Variants in IMMP2L observed in about 807,000 individuals in gnomAD.
IMMP2L encodes inner mitochondrial membrane peptidase subunit 2.
IMMP2L carries 18 observed loss-of-function variants against 19.3 expected under a neutral mutation model. That is an observed-to-expected ratio of 0.93 (90% CI 0.64 to 1.38). The LOEUF (loss-of-function observed/expected upper bound fraction) is 1.38, where lower values mean the gene tolerates loss of function less well. Among genes scored for constraint, IMMP2L ranks in the 40% most tolerant of loss-of-function variants. IMMP2L has a pLI of 0.00. For synonymous variants in IMMP2L, 76 were observed against 73.0 expected, an observed-to-expected ratio of 1.04 and a Z score of -0.21; for missense variants, 233 against 218.2, an observed-to-expected ratio of 1.07 and a Z score of -0.43.
chr7:111,304,120 A>G (rs139305618), intron 3 of IMMP2L, among the ~76,000 whole-genome samples: 1 of 152,260 alleles, frequency 6.6e-6, no homozygotes, highest in Admixed American at 6.5e-5. Flanking sequence ...GGCCTTTGGG[A>G]AACACTGCTT....
rs1175260135 is a variant in IMMP2L, at chr7:110,757,547, C to A, written c.409-93826G>T. 6.6e-6 allele frequency among the ~76,000 whole-genome samples: 1 copy of A among 152,032 alleles called. No individual in the cohort carries two copies. The highest frequency in any genetic ancestry group is 6.6e-5 in the Admixed American group (1 of 15,228). On this transcript the variant is annotated intron_variant, in intron 5 of 5. Transcript: ENST00000405709. The surrounding 1 kb of genome is among the most constrained non-coding windows in gnomAD (Gnocchi z 4.2). ...TTGCCCTCTGGCTTCCGATTTGGTA[C>A]ACATAATGAGGATCCCCAGTTGAAG...
intron 3 of IMMP2L, among the ~76,000 whole-genome samples, chr7:111,364,900 G>A (rs747978197): frequency 3.3e-5 from 5 of 151,374 alleles, no homozygotes; most frequent in Non-Finnish European, 7.4e-5. Flanking sequence ...AACCCAGGAG[G>A]TGGAGGTTGC....
At chr7:110,881,477 T>C (rs113803743) in intron 5 of IMMP2L, among the ~76,000 whole-genome samples, 2,266 of 152,320 alleles carry the variant, frequency 0.015, 50 homozygotes, top group African/African-American at 0.052. Flanking sequence ...CAGATTATTT[T>C]AGTTCCTATC....
At chr7:111,291,981 G>A (rs1263910953) in intron 3 of IMMP2L, among the ~76,000 whole-genome samples, 2 of 152,148 alleles carry the variant, frequency 1.3e-5, no homozygotes, top group Non-Finnish European at 2.9e-5. Flanking sequence ...AATCACTACT[G>A]TGGTGATTTA....
chr7:110,674,006 A>T (rs1341035196), intron 5 of IMMP2L, among the ~76,000 whole-genome samples: 1 of 152,178 alleles, frequency 6.6e-6, no homozygotes, highest in Admixed American at 6.5e-5. Context: ...CCCCACTCCC[A>T]GTACCAACTT....
At chr7:111,382,129 A>G (rs1831258046) in intron 3 of IMMP2L, among the ~76,000 whole-genome samples, 1 of 151,894 alleles carries the variant, frequency 6.6e-6, no homozygotes, top group Admixed American at 6.6e-5. Flanking sequence ...TGATAAGGTC[A>G]AGGGTCCAAG....
At chr7:111,110,278 C>A (rs1586332412) in intron 3 of IMMP2L, among the ~76,000 whole-genome samples, 2 of 152,152 alleles carry the variant, frequency 1.3e-5, no homozygotes, top group East Asian at 1.9e-4. Flanking sequence ...TGTTTCTCCA[C>A]ACAATTGATA....
intron 3 of IMMP2L, among the ~76,000 whole-genome samples, chr7:111,267,643 A>G (rs1817971993): frequency 6.6e-6 from 1 of 152,158 alleles, no homozygotes; most frequent in African/African-American, 2.4e-5. Context: ...ACCTTGAATT[A>G]TCTTTTGACC....
chr7:111,488,667 T>C (rs966259659), intron 2 of IMMP2L, among the ~76,000 whole-genome samples: 2 of 152,162 alleles, frequency 1.3e-5, no homozygotes, highest in Admixed American at 1.3e-4. Flanking sequence ...TTTCATATAA[T>C]GAGTTATTTT....
At chr7:111,461,712 G>C (rs1253764244) in intron 3 of IMMP2L, among the ~76,000 whole-genome samples, 1 of 152,034 alleles carries the variant, frequency 6.6e-6, no homozygotes, top group African/African-American at 2.4e-5. Flanking sequence ...ATGCAAACTT[G>C]ATTCCATGTA....
chr7:111,281,321 CAGAA>C (rs1487154438), intron 3 of IMMP2L, among the ~76,000 whole-genome samples: 8 of 151,016 alleles, frequency 5.3e-5, no homozygotes, highest in African/African-American at 1.5e-4. Flanking sequence ...GAAAGAAAGA[CAGAA>C]AGAAAGGACT....
chr7:111,202,936 T>G (rs2129615975), intron 3 of IMMP2L, among the ~76,000 whole-genome samples: 1 of 152,280 alleles, frequency 6.6e-6, no homozygotes, highest in East Asian at 1.9e-4. Flanking sequence ...CCAAGTTTAA[T>G]ATAGATGGCT....
chr7:111,130,116 C>A (rs1421485320), intron 3 of IMMP2L, among the ~76,000 whole-genome samples: 1 of 152,076 alleles, frequency 6.6e-6, no homozygotes, highest in East Asian at 1.9e-4. Context: ...TATTCTAGTT[C>A]ACTGTATATA....
At chr7:111,156,319 C>G (rs1026735929) in intron 3 of IMMP2L, among the ~76,000 whole-genome samples, 1 of 152,058 alleles carries the variant, frequency 6.6e-6, no homozygotes, top group African/African-American at 2.4e-5. Context: ...GCCATCAGCA[C>G]CTTAAAAGTT....
At chr7:111,095,308 T>C (rs889386072) in intron 3 of IMMP2L, among the ~76,000 whole-genome samples, 10 of 152,008 alleles carry the variant, frequency 6.6e-5, no homozygotes, top group African/African-American at 1.9e-4. Flanking sequence ...CAGCTATTTA[T>C]TGGAGAGGCC....
chr7:111,243,634 T>C (rs2129630841), intron 3 of IMMP2L, among the ~76,000 whole-genome samples: 1 of 120,714 alleles, frequency 8.3e-6, no homozygotes, highest in South Asian at 3.3e-4. Context: ...TCATCTAGCA[T>C]TAGGTATATC....
chr7:110,867,182 GT>G (rs1808063618), intron 5 of IMMP2L, among the ~76,000 whole-genome samples: 1 of 151,920 alleles, frequency 6.6e-6, no homozygotes, highest in Non-Finnish European at 1.5e-5. Context: ...CAAGATCAGA[GT>G]GCCTGCATGG....
intron 5 of IMMP2L, among the ~76,000 whole-genome samples, chr7:110,813,974 A>G (rs1802245245): frequency 6.6e-6 from 1 of 152,050 alleles, no homozygotes; most frequent in Non-Finnish European, 1.5e-5. Context: ...CGTATTTTCC[A>G]TACTTAATTC....
chr7:111,243,085 A>C (rs1186531654), intron 3 of IMMP2L, among the ~76,000 whole-genome samples: 1 of 152,146 alleles, frequency 6.6e-6, no homozygotes, highest in Non-Finnish European at 1.5e-5. Flanking sequence ...TACTAAAACA[A>C]AATTCTTATT....
Sources: allele counts gnomAD v4.1 joint callset (sites outside exome capture counted in the v4.1 genomes callset), GRCh38; gene constraint gnomAD v4.1.1; non-coding constraint Gnocchi (gnomAD v3.1); transcripts MANE v1.5; gene names NCBI Gene and HGNC (gene_info 2026-07-23, HGNC 2026-07-21).